FRMD8: variants seen among roughly 807,000 people sequenced by gnomAD.
FRMD8 encodes FERM domain containing 8.
Under a neutral mutation model 54.2 loss-of-function variants are expected in FRMD8, and 37 were observed. That is an observed-to-expected ratio of 0.68 (90% CI 0.53 to 0.90). The LOEUF (loss-of-function observed/expected upper bound fraction) is 0.90, where lower values mean the gene tolerates loss of function less well. Ranked by LOEUF, FRMD8 falls within the 40% of genes least tolerant of loss-of-function variation. The pLI is 0.00. For missense variants in FRMD8, 585 were observed against 653.7 expected (o/e 0.89, Z 1.15); for synonymous variants, 246 against 286.9 (o/e 0.86, Z 1.44).
Position 65,393,994 on chromosome 11 carries a change from C to T in FRMD8, c.356-47C>T, listed in dbSNP as rs558801964. ...CTGGGCCAATCGGGAGAGGGGAGGGCTAAGCAGAGTGGGGATGCCCGGCAG... is the reference window on the plus strand; with the variant it reads ...CTGGGCCAATCGGGAGAGGGGAGGGTTAAGCAGAGTGGGGATGCCCGGCAG... On this transcript the variant is annotated intron_variant, in intron 4 of 10. Coordinates refer to ENST00000317568, the MANE Select transcript of FRMD8 (RefSeq NM_031904.5). The T allele has an allele frequency of 1.7e-4, 275 of 1,601,376 alleles. 1 individual carries two copies. In the Middle Eastern group the frequency reaches 3.1e-3, roughly 18 times the overall value.
rs540902124 is a variant in FRMD8 at position 65,393,291 on chromosome 11, C to T, written c.254-282C>T. On this transcript the variant is annotated intron_variant, in intron 3 of 10. Transcript: ENST00000317568. ...TGGCCAGTCTCCAGTTTCAGCTTGC[C>T]GTGGGGCTGCAGTGAACACTTAGTG... is the stretch of plus-strand genomic sequence containing the variant. 2.6e-4 allele frequency among the ~76,000 whole-genome samples: 40 copies of T among 152,318 alleles called. No homozygotes were observed. The South Asian group carries it at 6.2e-3, about 24-fold the overall frequency.
Position 65,412,194 on chromosome 11 carries a change from C to G in FRMD8, c.*834C>G, listed in dbSNP as rs1855665714. ...TCACAGTCTGTGAAAAACTGAAAAT[C>G]CCCTGGTGGGCACTCCCTGGAGCCC... On this transcript the variant is annotated 3_prime_UTR_variant, in exon 11 of 11. Coordinates refer to ENST00000317568, the MANE Select transcript of FRMD8 (RefSeq NM_031904.5). The G allele has an allele frequency of 6.6e-6, 1 of 152,320 alleles. No homozygotes were observed. The highest frequency in any genetic ancestry group is 6.5e-5 in the Admixed American group (1 of 15,296). 9.4% of individuals were successfully genotyped at this position (152,320 alleles called of 1,614,324 possible).
chr11:65,402,463 T>C (rs1283579353), intron 9 of FRMD8, among the ~76,000 whole-genome samples: 1 of 152,224 alleles, frequency 6.6e-6, no homozygotes, highest in African/African-American at 2.4e-5. Context: ...ACCACTGATA[T>C]ATGTGTGTCT....
At chr11:65,379,978 C>T in the FRMD8 span, 1 of 1,611,884 alleles carries the variant, frequency 6.2e-7, no homozygotes, top group Non-Finnish European at 8.5e-7. Context: ...GCGGGATGGG[C>T]AGGTGGGCCA....
intron 1 of FRMD8, 41 bp from the exon 2 acceptor site, chr11:65,386,996 C>T: frequency 6.4e-7 from 1 of 1,567,300 alleles, no homozygotes; most frequent in South Asian, 1.1e-5. Flanking sequence ...AGCCCCCCAT[C>T]CCTGGCTCCC....
the FRMD8 span, chr11:65,381,560 CTTTTTTTTTTT>C: frequency 7.1e-5 from 6 of 84,688 alleles, no homozygotes; most frequent in Admixed American, 1.6e-4. Flanking sequence ...TGCCCTGATT[CTTTTTTTTTTT>C]TTTTTTTTTT....
At chr11:65,395,281 G>A (rs1030206788) in intron 6 of FRMD8, among the ~76,000 whole-genome samples, 5 of 151,828 alleles carry the variant, frequency 3.3e-5, no homozygotes, top group East Asian at 1.9e-4. Flanking sequence ...GGTGGCTCAC[G>A]CCTGTAATCC....
At position 65,386,655 on chromosome 11, in the gene FRMD8, G is replaced by C. The variant is rs893211616; in HGVS notation, c.-107G>C. 2 of 236,882 alleles carry C rather than the reference G, an allele frequency of 8.4e-6. No homozygotes were observed. Among genetic ancestry groups the C allele is most frequent in the African/African-American group, 2.3e-5 (1 of 44,144 alleles). 14.7% of individuals were successfully genotyped at this position (236,882 alleles called of 1,614,324 possible). A position where few individuals can be genotyped will look rare whatever the true frequency, so the allele number is the denominator to read the frequency against. On this transcript the variant is annotated 5_prime_UTR_variant, in exon 1 of 11. Coordinates refer to ENST00000317568, the MANE Select transcript of FRMD8 (RefSeq NM_031904.5). ...CTTCCGCGTCGCTTCCCGGTCAGCT[G>C]CGTCCTTAGCGGGAGCCCGAGTGCG...
At chr11:65,380,654 C>T in the FRMD8 span, 2 of 1,264,330 alleles carry the variant, frequency 1.6e-6, no homozygotes, top group Admixed American at 2.3e-5. Flanking sequence ...CATGCCTGGG[C>T]ACCTGCAGAG....
chr11:65,395,545 AG>A (rs1855934721), intron 6 of FRMD8, among the ~76,000 whole-genome samples: 1 of 152,158 alleles, frequency 6.6e-6, no homozygotes, highest in Non-Finnish European at 1.5e-5. Flanking sequence ...GTCTCAAAAA[AG>A]AAAAAAAAGG....
At chr11:65,388,549 C>T (rs1855778559) in intron 2 of FRMD8, among the ~76,000 whole-genome samples, 1 of 152,154 alleles carries the variant, frequency 6.6e-6, no homozygotes, top group Admixed American at 6.5e-5. Flanking sequence ...GATGGGAACC[C>T]GAGTATGTCG....
Position 65,394,395 on chromosome 11 carries a change from A to G in FRMD8, c.551A>G (p.Gln184Arg). 1 of 1,571,344 alleles carries G rather than the reference A, an allele frequency of 6.4e-7. No individual in the cohort carries two copies. Among genetic ancestry groups the G allele is most frequent in the Non-Finnish European group, 8.6e-7 (1 of 1,160,438 alleles). The change falls in exon 6 of 11, where the codon CAG (glutamine) becomes CGG (arginine). Residue 184 changes from glutamine to arginine, a missense_variant. Coordinates refer to ENST00000317568, the MANE Select transcript of FRMD8 (RefSeq NM_031904.5). Reference sequence around the variant, plus strand: ...TGCCGCGTGCAGCTTGGGCCCTACCAGCCCGGCCGGCCGGCAGCCTGCGAC... The same window carrying G: ...TGCCGCGTGCAGCTTGGGCCCTACCGGCCCGGCCGGCCGGCAGCCTGCGAC... ...LVCRVQLGPY[Q>R]PGRPAACDLR... is the part of the protein sequence containing the mutation.
chr11:65,380,937 C>T, the FRMD8 span: 5 of 217,914 alleles, frequency 2.3e-5, no homozygotes. Context: ...CTTTGTAAGC[C>T]CAACAGGGTG....
intron 6 of FRMD8, among the ~76,000 whole-genome samples, chr11:65,395,308 C>T (rs552797163): frequency 1.1e-3 from 169 of 151,974 alleles, no homozygotes; most frequent in African/African-American, 3.8e-3. Context: ...TTTGGGAGGC[C>T]GAGGCGGGCA....
At chr11:65,370,128 G>A in the FRMD8 span, among the ~76,000 whole-genome samples, 5 of 150,976 alleles carry the variant, frequency 3.3e-5, no homozygotes, top group Non-Finnish European at 7.4e-5. Flanking sequence ...AGGCTAAGGT[G>A]GGAGGATACT....
chr11:65,412,624 TC>T lies in FRMD8; in HGVS notation c.*1266del, dbSNP rs1375366908. ...GGTCTCACAGGTGCTTCCTGGGACT[TC>T]CTGTGGCTGCACAGGGCTTGGCTTT... On this transcript the variant is annotated 3_prime_UTR_variant, in exon 11 of 11. Coordinates refer to ENST00000317568, the MANE Select transcript of FRMD8 (RefSeq NM_031904.5). 2.6e-5 allele frequency: 4 copies of T among 152,174 alleles called. No individual in the cohort carries two copies. Among genetic ancestry groups the T allele is most frequent in the East Asian group, 1.9e-4 (1 of 5,200 alleles). 9.4% of individuals were successfully genotyped at this position (152,174 alleles called of 1,614,324 possible). A position where few individuals can be genotyped will look rare whatever the true frequency, so the allele number is the denominator to read the frequency against.
At chr11:65,402,930 T>C (rs1856113023) in intron 9 of FRMD8, among the ~76,000 whole-genome samples, 1 of 152,204 alleles carries the variant, frequency 6.6e-6, no homozygotes, top group Admixed American at 6.5e-5. Flanking sequence ...GAAACACTCT[T>C]GCTCTGTCAC....
chr11:65,399,773 C>G lies in FRMD8; in HGVS notation c.841C>G (p.Gln281Glu). Residue 281 changes from glutamine to glutamate, a missense_variant, in exon 8 of 11, where the codon CAA (glutamine) becomes GAA (glutamate). Transcript: ENST00000317568. The stretch of plus-strand genomic sequence containing the variant: ...CCACGGTGAGGTTGACAAGCCGGCC[C>G]AAGGCTTTTTGCACCGGGGTGGGCG... Reference protein sequence around the residue: ...FFHGEVDKPAQGFLHRGGRKP... With the variant: ...FFHGEVDKPAEGFLHRGGRKP... 1 of 1,614,154 alleles carries G rather than the reference C, an allele frequency of 6.2e-7. No individual in the cohort carries two copies. The highest frequency in any genetic ancestry group is 8.5e-7 in the Non-Finnish European group (1 of 1,179,998).
At chr11:65,394,909 G>T (rs72937115) in intron 6 of FRMD8, among the ~76,000 whole-genome samples, 1 of 152,232 alleles carries the variant, frequency 6.6e-6, no homozygotes, top group South Asian at 2.1e-4. Context: ...AGCCCAGGCC[G>T]GTCTCTGGTC....
Sources: gnomAD v4.1 joint callset for allele counts (sites outside exome capture counted in the v4.1 genomes callset) on GRCh38, gnomAD v4.1.1 for gene constraint, MANE v1.5 for transcripts, NCBI Gene and HGNC (gene_info 2026-07-23, HGNC 2026-07-21) for gene names.